Variants in SMG6 observed in about 807,000 individuals in gnomAD.
The protein encoded by SMG6 is telomerase-binding protein EST1A.
In SMG6, 66 loss-of-function variants were observed where a neutral mutation model predicts 142.2. The ratio of observed to expected loss-of-function variants is 0.46; its 90% CI spans 0.38 to 0.57. The LOEUF (loss-of-function observed/expected upper bound fraction) is 0.57. Among genes scored for constraint, SMG6 ranks in the 20% least tolerant of loss-of-function variants. The pLI, the probability that SMG6 is intolerant of heterozygous loss-of-function variation, is 0.00. For synonymous variants in SMG6, 779 were observed against 702.4 expected (o/e 1.11, Z -1.72); for missense variants, 1,793 against 1,832.0 (o/e 0.98, Z 0.39).
chr17:2,106,214 C>T (rs1031418460), intron 13 of SMG6, among the ~76,000 whole-genome samples: 1 of 152,210 alleles, frequency 6.6e-6, no homozygotes, highest in African/African-American at 2.4e-5. Flanking sequence ...CACCCCATCA[C>T]TTTTCTTCTT....
At chr17:2,167,609 C>A (rs925053953) in intron 13 of SMG6, among the ~76,000 whole-genome samples, 2 of 152,202 alleles carry the variant, frequency 1.3e-5, no homozygotes, top group African/African-American at 2.4e-5. Context: ...TGGTGCCACT[C>A]ACATCTTTAT....
intron 10 of SMG6, among the ~76,000 whole-genome samples, chr17:2,193,298 G>A (rs1212129474): frequency 6.6e-6 from 1 of 152,196 alleles, no homozygotes; most frequent in Non-Finnish European, 1.5e-5. Flanking sequence ...CTTCTGCCAT[G>A]ATTGTAGCCT....
At chr17:2,142,920 A>T (rs1319554455) in intron 13 of SMG6, among the ~76,000 whole-genome samples, 3 of 151,810 alleles carry the variant, frequency 2.0e-5, no homozygotes, top group African/African-American at 7.3e-5. Flanking sequence ...AAAGTAGGCA[A>T]ATATTTGAAC....
chr17:2,156,649 T>G (rs551526987), intron 13 of SMG6, among the ~76,000 whole-genome samples: 41 of 150,138 alleles, frequency 2.7e-4, no homozygotes, highest in Non-Finnish European at 4.6e-4. Flanking sequence ...CTCTGTTTTG[T>G]TTTTTTTTGC....
intron 12 of SMG6, among the ~76,000 whole-genome samples, chr17:2,175,195 C>T (rs2071620449): frequency 3.9e-5 from 6 of 152,214 alleles, no homozygotes; most frequent in Admixed American, 3.9e-4. Context: ...CACTGCTCGG[C>T]TGCAGAGCAG....
At chr17:2,243,033 G>C (rs1240180082) in intron 9 of SMG6, among the ~76,000 whole-genome samples, 1 of 152,200 alleles carries the variant, frequency 6.6e-6, no homozygotes, top group Non-Finnish European at 1.5e-5. Flanking sequence ...AACTTAAACT[G>C]GTGGCAGTGG....
At chr17:2,278,260 T>C (rs1352380192) in intron 8 of SMG6, among the ~76,000 whole-genome samples, 4 of 151,478 alleles carry the variant, frequency 2.6e-5, no homozygotes, top group African/African-American at 4.9e-5. Flanking sequence ...TGGAGTGCAA[T>C]GGTGCAATCT....
chr17:2,071,057 G>T lies in SMG6; in HGVS notation c.3682-2126C>A, dbSNP rs1235055338. ...TCCTGGTACCGTGGCTCTCAAATCT[G>T]TCTTTCTGGGTGAGCAGGGACAGAA... On this transcript the variant is annotated intron_variant, in intron 15 of 18. Coordinates refer to ENST00000263073, the MANE Select transcript of SMG6 (RefSeq NM_017575.5). This position sits in a 1 kb window ranked among gnomAD's most constrained non-coding sequence, Gnocchi z 5.6. 6.6e-6 allele frequency among the ~76,000 whole-genome samples: 1 copy of T among 152,180 alleles called. No individual in the cohort carries two copies. The highest frequency in any genetic ancestry group is 1.5e-5 in the Non-Finnish European group (1 of 68,036).
chr17:2,167,403 T>C (rs1013538325), intron 13 of SMG6, among the ~76,000 whole-genome samples: 2 of 152,140 alleles, frequency 1.3e-5, no homozygotes, highest in African/African-American at 2.4e-5. Context: ...GGAGATCTAA[T>C]GTATCAGGAC....
At chr17:2,101,834 G>A (rs1275421883) in intron 13 of SMG6, among the ~76,000 whole-genome samples, 2 of 152,250 alleles carry the variant, frequency 1.3e-5, no homozygotes, top group Non-Finnish European at 2.9e-5. Flanking sequence ...AGGAAATGCA[G>A]CCAGTAACTG....
At chr17:2,201,513 G>T (rs1470117029) in intron 10 of SMG6, among the ~76,000 whole-genome samples, 3 of 151,994 alleles carry the variant, frequency 2.0e-5, no homozygotes, top group Non-Finnish European at 4.4e-5. Flanking sequence ...GATCAACATG[G>T]TGAAACCCCA....
intron 8 of SMG6, among the ~76,000 whole-genome samples, chr17:2,265,131 C>T (rs1367246652): frequency 6.6e-6 from 1 of 152,150 alleles, no homozygotes; most frequent in Non-Finnish European, 1.5e-5. Context: ...GACCACCCAT[C>T]CCAGGAACTG....
intron 4 of SMG6, among the ~76,000 whole-genome samples, chr17:2,293,930 T>G (rs902326060): frequency 1.3e-5 from 2 of 152,242 alleles, no homozygotes; most frequent in African/African-American, 4.8e-5. Flanking sequence ...TTCTCACTGA[T>G]TGGCTTGGCA....
At position 2,244,665 on chromosome 17, in the gene SMG6, G is replaced by A. The variant is rs775917291; in HGVS notation, c.2716C>T (p.Arg906Trp). The change falls in exon 9 of 19, where the codon CGG becomes TGG. Residue 906 changes from arginine to tryptophan, a missense_variant. Coordinates refer to ENST00000263073, the MANE Select transcript of SMG6 (RefSeq NM_017575.5). ...FLHAHGKLFT[R>W]IGMETFPAVA... is the part of the protein sequence containing the mutation. ...AACATCCTGCACACTTACCCAATCC[G>A]GGTAAACAGCTTCCCATGGGCATGG... 13 of 1,612,604 alleles carry A rather than the reference G, an allele frequency of 8.1e-6. No homozygotes were observed. In the East Asian group the frequency reaches 8.9e-5, roughly 11 times the overall value.
intron 6 of SMG6, among the ~76,000 whole-genome samples, chr17:2,287,088 C>A (rs1017856998): frequency 6.6e-6 from 1 of 152,026 alleles, no homozygotes; most frequent in Non-Finnish European, 1.5e-5. Flanking sequence ...CCTGCCACTG[C>A]GCCTGGCTAA....
At chr17:2,248,180 C>A (rs571408292) in intron 8 of SMG6, among the ~76,000 whole-genome samples, 1 of 152,276 alleles carries the variant, frequency 6.6e-6, no homozygotes, top group South Asian at 2.1e-4. Context: ...CAAGCCAACT[C>A]AGAAATTTAA....
chr17:2,109,270 C>CTT (rs752516056), intron 13 of SMG6, among the ~76,000 whole-genome samples: 1 of 147,502 alleles, frequency 6.8e-6, no homozygotes, highest in African/African-American at 2.5e-5. Flanking sequence ...ATATGTCTCT[C>CTT]TTTTTTTTTT....
chr17:2,167,214 G>A (rs2071370334), intron 13 of SMG6, among the ~76,000 whole-genome samples: 1 of 144,068 alleles, frequency 6.9e-6, no homozygotes, highest in Non-Finnish European at 1.5e-5. Flanking sequence ...AAGATATAAT[G>A]TAAGAGAACA....
chr17:2,209,475 G>A (rs1404162828), intron 10 of SMG6, among the ~76,000 whole-genome samples: 1 of 152,130 alleles, frequency 6.6e-6, no homozygotes, highest in Non-Finnish European at 1.5e-5. Context: ...CGATTCTCCT[G>A]CCTCAGCCTC....
Sources: allele counts gnomAD v4.1 joint callset (sites outside exome capture counted in the v4.1 genomes callset), GRCh38; gene constraint gnomAD v4.1.1; non-coding constraint Gnocchi (gnomAD v3.1); transcripts MANE v1.5; gene names NCBI Gene and HGNC (gene_info 2026-07-23, HGNC 2026-07-21).